Variants in PDE1A observed in about 807,000 individuals in gnomAD.
The protein encoded by PDE1A is phosphodiesterase 1A.
A neutral mutation model predicts 61.7 loss-of-function variants in PDE1A; 35 were observed. The ratio of observed to expected loss-of-function variants is 0.57; its 90% confidence interval spans 0.43 to 0.75. PDE1A has a LOEUF of 0.75. PDE1A is among the 30% of genes least tolerant of loss of function. The pLI is 0.00. For synonymous variants in PDE1A, 232 were observed against 213.2 expected (o/e 1.09, Z -0.77); for missense variants, 597 against 630.6 (o/e 0.95, Z 0.57).
chr2:182,533,236 G>A, the PDE1A span, among the ~76,000 whole-genome samples: 1 of 151,908 alleles, frequency 6.6e-6, no homozygotes, highest in Non-Finnish European at 1.5e-5. Flanking sequence ...ACCTGAACCC[G>A]TGGGGTGGAG....
At chr2:182,208,695 G>C (rs1687322587) in intron 7 of PDE1A, among the ~76,000 whole-genome samples, 1 of 152,174 alleles carries the variant, frequency 6.6e-6, no homozygotes, top group Non-Finnish European at 1.5e-5. Flanking sequence ...CAAGGCCGTA[G>C]GAGCACACCC....
intron 1 of PDE1A, among the ~76,000 whole-genome samples, chr2:182,380,236 G>A (rs530499226): frequency 2.7e-4 from 41 of 149,790 alleles, no homozygotes; most frequent in Middle Eastern, 3.5e-3. Context: ...TCAGCCTCCC[G>A]AGTAGCTGCG....
chr2:182,288,100 T>A (rs183037853), intron 1 of PDE1A, among the ~76,000 whole-genome samples: 136 of 152,280 alleles, frequency 8.9e-4, no homozygotes, highest in African/African-American at 3.1e-3. Flanking sequence ...TTGATAAGTG[T>A]TTCAGTACAA....
At chr2:182,209,410 A>G (rs1054251699) in intron 7 of PDE1A, among the ~76,000 whole-genome samples, 1 of 151,952 alleles carries the variant, frequency 6.6e-6, no homozygotes, top group African/African-American at 2.4e-5. Context: ...TGGGATTACA[A>G]TTCAACATGA....
At chr2:182,299,108 C>T (rs1318675115) in intron 1 of PDE1A, among the ~76,000 whole-genome samples, 2 of 151,922 alleles carry the variant, frequency 1.3e-5, no homozygotes, top group East Asian at 3.9e-4. Flanking sequence ...CGCCGAAATA[C>T]CAGGGTCTCT....
intron 13 of PDE1A, among the ~76,000 whole-genome samples, chr2:182,148,484 T>C (rs1014842475): frequency 3.9e-5 from 6 of 152,208 alleles, no homozygotes; most frequent in Non-Finnish European, 8.8e-5. Flanking sequence ...CTTAACAGAA[T>C]TCTTGCCAAG....
intron 6 of PDE1A, among the ~76,000 whole-genome samples, chr2:182,225,735 T>C (rs545396186): frequency 6.4e-5 from 9 of 139,608 alleles, no homozygotes; most frequent in Admixed American, 6.1e-4. Flanking sequence ...AAAGAATAAA[T>C]GGCATTTTGC....
At chr2:182,592,559 T>A in the PDE1A span, among the ~76,000 whole-genome samples, 2 of 152,140 alleles carry the variant, frequency 1.3e-5, no homozygotes, top group Non-Finnish European at 2.9e-5. Context: ...TGAGTAAAAG[T>A]ATGATTATGC....
chr2:182,622,068 A>T, the PDE1A span, among the ~76,000 whole-genome samples: 1 of 152,200 alleles, frequency 6.6e-6, no homozygotes. Flanking sequence ...GCCATCTTAG[A>T]GAGGAATTGA....
At chr2:182,184,568 A>T (rs1685054885) in intron 13 of PDE1A, among the ~76,000 whole-genome samples, 2 of 152,210 alleles carry the variant, frequency 1.3e-5, no homozygotes, top group Admixed American at 1.3e-4. Flanking sequence ...GTTATAAGAA[A>T]ATACTTGAGA....
intron 1 of PDE1A, among the ~76,000 whole-genome samples, chr2:182,362,164 T>C (rs1699549951): frequency 6.6e-6 from 1 of 152,022 alleles, no homozygotes; most frequent in East Asian, 1.9e-4. Flanking sequence ...ATATGAAAAG[T>C]ATTAGCAAGA....
At chr2:182,242,003 C>T in intron 2 of PDE1A, 1 of 1,448,998 alleles carries the variant, frequency 6.9e-7, no homozygotes, top group African/African-American at 1.4e-5. Context: ...GCCATTTCTA[C>T]TATCTCTTAT....
intron 13 of PDE1A, among the ~76,000 whole-genome samples, chr2:182,159,808 C>G (rs945311230): frequency 6.6e-6 from 1 of 152,024 alleles, no homozygotes; most frequent in Non-Finnish European, 1.5e-5. Flanking sequence ...GAAAATTTAG[C>G]CAGGCATGGT....
At chr2:182,593,668 G>C in the PDE1A span, among the ~76,000 whole-genome samples, 33 of 152,122 alleles carry the variant, frequency 2.2e-4, no homozygotes, top group Non-Finnish European at 4.3e-4. Context: ...ATTTACTTTT[G>C]CAGACCCCTT....
chr2:182,595,784 G>A, the PDE1A span, among the ~76,000 whole-genome samples: 2 of 152,188 alleles, frequency 1.3e-5, no homozygotes, highest in Admixed American at 6.5e-5. Context: ...TGATTTGTCT[G>A]CTTTCATCTG....
In PDE1A at chr2:182,252,750, A is replaced by G. The variant is rs112035177; in HGVS notation, c.167+11551T>C. ...ATCCCCAGCCCCTACTCCTGGGTGG[A>G]GCCTGCAGGACGGCAAGGTCCCTGT... is the stretch of plus-strand genomic sequence containing the variant. On this transcript the variant is annotated intron_variant, in intron 2 of 13. Coordinates refer to ENST00000351439, the Ensembl canonical transcript of PDE1A. Among the ~76,000 whole-genome samples, 1,076 of 152,294 alleles carry G rather than the reference A, an allele frequency of 7.1e-3. 10 individuals carry two copies. Among genetic ancestry groups the G allele is most frequent in the African/African-American group, 0.024 (987 of 41,556 alleles).
chr2:182,171,142 G>A (rs546484589), intron 13 of PDE1A, among the ~76,000 whole-genome samples: 4 of 151,926 alleles, frequency 2.6e-5, no homozygotes, highest in East Asian at 1.9e-4. Context: ...TAAATAAACC[G>A]TAAAATGTTA....
chr2:182,480,222 A>G (rs1354206194), intron 2 of PDE1A, among the ~76,000 whole-genome samples: 1 of 151,940 alleles, frequency 6.6e-6, no homozygotes, highest in Non-Finnish European at 1.5e-5. Context: ...AATTACAAAA[A>G]TATGCTACTA....
chr2:182,713,046 GT>G, the PDE1A span, among the ~76,000 whole-genome samples: 1 of 151,974 alleles, frequency 6.6e-6, no homozygotes, highest in Non-Finnish European at 1.5e-5. Flanking sequence ...TGATCTTTTT[GT>G]TCCTTTAACA....
Sources: gnomAD v4.1 joint callset for allele counts (sites outside exome capture counted in the v4.1 genomes callset) on GRCh38, gnomAD v4.1.1 for gene constraint, MANE v1.5 for transcripts, NCBI Gene and HGNC (gene_info 2026-07-23, HGNC 2026-07-21) for gene names.